Variants in MAPKAP1 observed in about 807,000 individuals in gnomAD.
MAPKAP1 encodes MAPK associated protein 1, also known as target of rapamycin complex 2 subunit MAPKAP1.
In MAPKAP1, 20 loss-of-function variants were observed where a neutral mutation model predicts 65.7. That is an observed-to-expected ratio of 0.30 (90% CI 0.21 to 0.44). MAPKAP1 has a LOEUF of 0.44. Among genes scored for constraint, MAPKAP1 ranks in the 20% least tolerant of loss-of-function variants. MAPKAP1 has a pLI of 1.00. For synonymous variants in MAPKAP1, 222 were observed against 244.3 expected (o/e 0.91, Z 0.85); for missense variants, 423 against 648.0 (o/e 0.65, Z 3.77).
At chr9:125,639,553 T>C (rs1354147708) in intron 4 of MAPKAP1, among the ~76,000 whole-genome samples, 1 of 152,208 alleles carries the variant, frequency 6.6e-6, no homozygotes, top group African/African-American at 2.4e-5. Flanking sequence ...TCCCACCTAA[T>C]ACCTACTGAA....
At chr9:125,616,432 G>C (rs1351098432) in intron 4 of MAPKAP1, among the ~76,000 whole-genome samples, 1 of 152,068 alleles carries the variant, frequency 6.6e-6, no homozygotes, top group Non-Finnish European at 1.5e-5. Flanking sequence ...CAAACCAGGA[G>C]AATCTACAAC....
intron 9 of MAPKAP1, among the ~76,000 whole-genome samples, chr9:125,479,318 G>C (rs555459041): frequency 9.2e-5 from 14 of 152,248 alleles, no homozygotes; most frequent in African/African-American, 3.4e-4. Context: ...GGTGGCTCAC[G>C]CCTGTAATCC....
intron 9 of MAPKAP1, among the ~76,000 whole-genome samples, chr9:125,480,107 T>G (rs1249297710): frequency 1.3e-5 from 2 of 152,096 alleles, no homozygotes; most frequent in Non-Finnish European, 2.9e-5. Context: ...TAGGTGTGGG[T>G]TTTTGTTGTT....
At chr9:125,498,571 A>C (rs1190621787) in intron 8 of MAPKAP1, among the ~76,000 whole-genome samples, 1 of 152,242 alleles carries the variant, frequency 6.6e-6, no homozygotes, top group Non-Finnish European at 1.5e-5. Context: ...TGGAAAGAAA[A>C]ATAAATAAAT....
At chr9:125,578,058 C>G (rs1042876661) in intron 5 of MAPKAP1, among the ~76,000 whole-genome samples, 1 of 151,988 alleles carries the variant, frequency 6.6e-6, no homozygotes, top group Admixed American at 6.6e-5. Context: ...GAGGTAGACA[C>G]GGGAGACTTT....
chr9:125,452,692 G>C lies in MAPKAP1; in HGVS notation c.1346-8094C>G, dbSNP rs1181576448. ...GCACTTTGGGAGGCCAGGAGTTTGAGACCAGCCTGGCCAACATGGAGAAAC... is the reference window on the plus strand; with the variant it reads ...GCACTTTGGGAGGCCAGGAGTTTGACACCAGCCTGGCCAACATGGAGAAAC... On this transcript the variant is annotated intron_variant, in intron 10 of 11. Transcript: ENST00000265960. 8.5e-5 allele frequency among the ~76,000 whole-genome samples: 13 copies of C among 152,184 alleles called. No homozygotes were observed. In the South Asian group the frequency reaches 2.1e-3, roughly 24 times the overall value.
At chr9:125,694,825 A>T (rs1269488190) in intron 1 of MAPKAP1, among the ~76,000 whole-genome samples, 1 of 152,226 alleles carries the variant, frequency 6.6e-6, no homozygotes, top group Non-Finnish European at 1.5e-5. Flanking sequence ...CTGAAGACTC[A>T]ATATATTTGT....
chr9:125,479,931 C>T (rs1364636696), intron 9 of MAPKAP1, among the ~76,000 whole-genome samples: 1 of 152,200 alleles, frequency 6.6e-6, no homozygotes, highest in South Asian at 2.1e-4. Context: ...GACCATCCAT[C>T]AGTGTCAGGA....
At chr9:125,512,413 C>T (rs1014086149) in intron 7 of MAPKAP1, among the ~76,000 whole-genome samples, 60 of 152,292 alleles carry the variant, frequency 3.9e-4, no homozygotes, top group African/African-American at 1.4e-3. Flanking sequence ...TATCATGTCC[C>T]TTTCTCCTTT....
chr9:125,651,128 G>A (rs1833880811), intron 4 of MAPKAP1, among the ~76,000 whole-genome samples: 1 of 152,014 alleles, frequency 6.6e-6, no homozygotes, highest in Non-Finnish European at 1.5e-5. Flanking sequence ...CACTGTGCCC[G>A]GCGATCCTTC....
intron 1 of MAPKAP1, among the ~76,000 whole-genome samples, chr9:125,701,312 G>A (rs1483843668): frequency 6.6e-6 from 1 of 152,178 alleles, no homozygotes; most frequent in African/African-American, 2.4e-5. Context: ...AAGTATATTA[G>A]TAAAAGTATA....
At chr9:125,623,238 T>C (rs1177496228) in intron 4 of MAPKAP1, among the ~76,000 whole-genome samples, 96 of 119,246 alleles carry the variant, frequency 8.1e-4, no homozygotes, top group Non-Finnish European at 1.4e-3. Flanking sequence ...AAGTGAGGAG[T>C]GTCTCTGCCT....
At chr9:125,696,462 AAACAAC>A (rs943053109) in intron 1 of MAPKAP1, 2 of 152,052 alleles carry the variant, frequency 1.3e-5, no homozygotes, top group Non-Finnish European at 2.9e-5. Context: ...AAAACAAATA[AAACAAC>A]AACAACAACA....
At chr9:125,499,622 A>G (rs531904914) in intron 8 of MAPKAP1, among the ~76,000 whole-genome samples, 5 of 152,204 alleles carry the variant, frequency 3.3e-5, no homozygotes, top group Non-Finnish European at 7.3e-5. Flanking sequence ...TCGGAAGTAG[A>G]GTGGGAACTA....
At chr9:125,670,950 T>C (rs573447835) in intron 2 of MAPKAP1, among the ~76,000 whole-genome samples, 2 of 152,208 alleles carry the variant, frequency 1.3e-5, no homozygotes, top group South Asian at 4.1e-4. Flanking sequence ...GAAAATAATC[T>C]TACCAGAAAT....
chr9:125,625,255 T>TAAAAAAAAAAAAAAAAAAAAAAA (rs58671780), intron 4 of MAPKAP1, among the ~76,000 whole-genome samples: 3 of 64,652 alleles, frequency 4.6e-5, no homozygotes, highest in Admixed American at 1.7e-4. Context: ...AATAAATAAA[T>TAAAAAAAAAAAAAAAAAAAAAAA]AAAAAAAAAA....
At chr9:125,528,830 AG>A (rs1829848859) in intron 7 of MAPKAP1, among the ~76,000 whole-genome samples, 1 of 133,704 alleles carries the variant, frequency 7.5e-6, no homozygotes, top group Non-Finnish European at 1.6e-5. Flanking sequence ...CTGGGTGATA[AG>A]AGTGAGACTC....
chr9:125,593,535 G>A (rs547370375), intron 4 of MAPKAP1, among the ~76,000 whole-genome samples: 4 of 152,092 alleles, frequency 2.6e-5, no homozygotes, highest in South Asian at 2.1e-4. Context: ...GGTGGCGTGC[G>A]CCTGTAGTCC....
chr9:125,587,411 C>A (rs1831821050), intron 4 of MAPKAP1, among the ~76,000 whole-genome samples: 1 of 152,014 alleles, frequency 6.6e-6, no homozygotes, highest in African/African-American at 2.4e-5. Context: ...AATAAAAATA[C>A]AAAAATCAGC....
Sources: gnomAD v4.1 joint callset for allele counts (sites outside exome capture counted in the v4.1 genomes callset) on GRCh38, gnomAD v4.1.1 for gene constraint, MANE v1.5 for transcripts, NCBI Gene and HGNC (gene_info 2026-07-23, HGNC 2026-07-21) for gene names.